Variants in ERC2 observed in about 807,000 individuals in gnomAD.
ERC2 encodes the protein ELKS/RAB6-interacting/CAST family member 2.
ERC2 carries 42 observed loss-of-function variants against 114.8 expected under a neutral mutation model. That is an observed-to-expected ratio of 0.37 (90% CI 0.29 to 0.47). The LOEUF (loss-of-function observed/expected upper bound fraction) is 0.47. Among genes scored for constraint, ERC2 ranks in the 20% least tolerant of loss-of-function variants. The probability of loss-of-function intolerance (pLI) is 0.99; values close to 1 mark genes in which losing one functional copy is unlikely to be tolerated. For synonymous variants in ERC2, 454 were observed against 425.5 expected, an observed-to-expected ratio of 1.07 and a Z score of -0.82; for missense variants, 939 against 1,150.7, an observed-to-expected ratio of 0.82 and a Z score of 2.66.
intron 14 of ERC2, among the ~76,000 whole-genome samples, chr3:55,791,980 C>A (rs1006375600): frequency 6.6e-6 from 1 of 152,180 alleles, no homozygotes; most frequent in Non-Finnish European, 1.5e-5. Context: ...GGCTTTCTCT[C>A]CAGACCCTCA....
At chr3:55,720,569 G>A (rs563572969) in intron 15 of ERC2, among the ~76,000 whole-genome samples, 7 of 152,102 alleles carry the variant, frequency 4.6e-5, no homozygotes, top group African/African-American at 1.7e-4. Flanking sequence ...ACAGGTGTGA[G>A]CCACCGCACC....
At chr3:56,426,273 A>G (rs1229532284) in intron 2 of ERC2, among the ~76,000 whole-genome samples, 1 of 152,188 alleles carries the variant, frequency 6.6e-6, no homozygotes. Context: ...AGTCGCTGGC[A>G]CCATCAGGAC....
At chr3:56,324,748 A>G (rs1008439685) in intron 2 of ERC2, among the ~76,000 whole-genome samples, 1 of 152,016 alleles carries the variant, frequency 6.6e-6, no homozygotes, top group African/African-American at 2.4e-5. Context: ...GGAAGGGTAA[A>G]ATTAAAATCA....
At chr3:55,809,935 G>A (rs909525183) in intron 14 of ERC2, among the ~76,000 whole-genome samples, 1 of 152,222 alleles carries the variant, frequency 6.6e-6, no homozygotes, top group Non-Finnish European at 1.5e-5. Context: ...CTTGAGTCTA[G>A]TGTCAAAGGG....
intron 17 of ERC2, among the ~76,000 whole-genome samples, chr3:55,615,834 CCTG>C (rs1181339429): frequency 2.0e-5 from 3 of 152,166 alleles, no homozygotes; most frequent in Admixed American, 6.5e-5. Context: ...CTTCAAAAGA[CCTG>C]CTGACTGCCT....
chr3:55,542,625 T>C (rs1361155266), intron 17 of ERC2, among the ~76,000 whole-genome samples: 2 of 152,330 alleles, frequency 1.3e-5, no homozygotes, highest in Admixed American at 6.5e-5. Flanking sequence ...AAAAGGAATA[T>C]GAAAAGATGG....
intron 13 of ERC2, among the ~76,000 whole-genome samples, chr3:55,941,765 G>A (rs577455035): frequency 1.3e-5 from 2 of 152,056 alleles, no homozygotes; most frequent in African/African-American, 4.8e-5. Context: ...GGAGAAAAAT[G>A]GCAAAGATAT....
At chr3:56,138,905 T>A (rs1201088604) in intron 6 of ERC2, among the ~76,000 whole-genome samples, 2 of 152,176 alleles carry the variant, frequency 1.3e-5, no homozygotes, top group Admixed American at 1.3e-4. Flanking sequence ...GAATAAGAGA[T>A]AACAAACCAA....
At chr3:56,311,230 CTTCTCTCTCTCT>C (rs2056520113) in intron 2 of ERC2, among the ~76,000 whole-genome samples, 2 of 29,234 alleles carry the variant, frequency 6.8e-5, no homozygotes, top group African/African-American at 1.2e-4. Flanking sequence ...TATCCATCAT[CTTCTCTCTCTCT>C]CTCTCTCTCT....
At chr3:55,597,484 A>C (rs948370703) in intron 17 of ERC2, among the ~76,000 whole-genome samples, 1 of 151,610 alleles carries the variant, frequency 6.6e-6, no homozygotes, top group Non-Finnish European at 1.5e-5. Flanking sequence ...GTTTCCACCC[A>C]GCCTAGAAAA....
At chr3:56,182,759 T>C (rs1046411366) in intron 3 of ERC2, among the ~76,000 whole-genome samples, 4 of 152,216 alleles carry the variant, frequency 2.6e-5, no homozygotes, top group African/African-American at 9.6e-5. Context: ...GAGTTGATAT[T>C]TGAAGTTGAC....
At chr3:55,785,218 C>G (rs2069390485) in intron 14 of ERC2, among the ~76,000 whole-genome samples, 1 of 152,224 alleles carries the variant, frequency 6.6e-6, no homozygotes, top group Admixed American at 6.5e-5. Flanking sequence ...AGGTCCAGAT[C>G]AGAAGTCTTT....
chr3:56,161,673 C>T (rs1601451), intron 4 of ERC2, among the ~76,000 whole-genome samples: 124,600 of 152,050 alleles, frequency 0.82, 52,201 homozygotes, highest in South Asian at 0.93. Context: ...ATAAATGAGA[C>T]TGCATTCTTG....
chr3:55,733,534 T>TCACA (rs1222363948), intron 15 of ERC2, among the ~76,000 whole-genome samples: 13 of 55,468 alleles, frequency 2.3e-4, no homozygotes, highest in African/African-American at 8.1e-4. Context: ...TCATTCTTTC[T>TCACA]CTCTCTCTCA....
intron 6 of ERC2, among the ~76,000 whole-genome samples, chr3:56,133,715 C>T (rs2080338310): frequency 1.3e-5 from 2 of 152,190 alleles, no homozygotes; most frequent in South Asian, 4.1e-4. Context: ...GGAAAACACT[C>T]AGCTGCATCT....
chr3:56,212,809 A>ACACACATG (rs1179755197), intron 3 of ERC2, among the ~76,000 whole-genome samples: 1 of 152,100 alleles, frequency 6.6e-6, no homozygotes, highest in Non-Finnish European at 1.5e-5. Context: ...ACACACACAC[A>ACACACATG]CACATGCACA....
At chr3:56,179,819 G>A (rs1375457945) in intron 3 of ERC2, among the ~76,000 whole-genome samples, 1 of 152,082 alleles carries the variant, frequency 6.6e-6, no homozygotes, top group Non-Finnish European at 1.5e-5. Context: ...ACATTTAAGT[G>A]AAGGTGCTGA....
In ERC2 at chr3:56,346,937, G is replaced by A. The variant is rs1207722080; in HGVS notation, c.658-50502C>T. On this transcript the variant is annotated intron_variant, in intron 2 of 17. Coordinates refer to ENST00000288221, the MANE Select transcript of ERC2 (RefSeq NM_015576.3). ...ATAATCGGCATTAATCCATTCATAA[G>A]GGAGGAGCCTGCATGACCTAAACAT... 2.6e-5 allele frequency among the ~76,000 whole-genome samples: 4 copies of A among 152,150 alleles called. No homozygotes were observed. In the East Asian group the frequency reaches 5.8e-4, roughly 22 times the overall value.
intron 2 of ERC2, among the ~76,000 whole-genome samples, chr3:56,347,457 C>T (rs980727800): frequency 1.3e-5 from 2 of 151,994 alleles, no homozygotes; most frequent in Non-Finnish European, 1.5e-5. Context: ...TGTCTGATTC[C>T]TATTGGCTTC....
Sources: gnomAD v4.1 joint callset for allele counts (sites outside exome capture counted in the v4.1 genomes callset) on GRCh38, gnomAD v4.1.1 for gene constraint, MANE v1.5 for transcripts, NCBI Gene and HGNC (gene_info 2026-07-23, HGNC 2026-07-21) for gene names.